Variants in PRKN observed in about 807,000 individuals in gnomAD.
The protein encoded by PRKN is parkin RBR E3 ubiquitin protein ligase, also known as E3 ubiquitin-protein ligase parkin.
Under a neutral mutation model 59.5 loss-of-function variants are expected in PRKN, and 56 were observed. The observed-to-expected ratio is 0.94, with a 90% CI of 0.76 to 1.18. PRKN has a LOEUF of 1.18. Ranked by LOEUF, PRKN falls within the 50% of genes most tolerant of loss-of-function variation. PRKN has a pLI of 0.00. For missense variants in PRKN, 657 were observed against 596.4 expected, an observed-to-expected ratio of 1.10 and a Z score of -1.06; for synonymous variants, 250 against 222.1, an observed-to-expected ratio of 1.13 and a Z score of -1.12.
intron 6 of PRKN, among the ~76,000 whole-genome samples, chr6:161,847,038 G>A (rs1192481129): frequency 6.6e-6 from 1 of 152,162 alleles, no homozygotes; most frequent in Non-Finnish European, 1.5e-5. Context: ...GGCCAGGCAC[G>A]GTGGCTCACA....
chr6:161,516,949 T>C (rs1295650878), intron 9 of PRKN, among the ~76,000 whole-genome samples: 2 of 152,186 alleles, frequency 1.3e-5, no homozygotes, highest in African/African-American at 4.8e-5. Flanking sequence ...TTTCTCATTG[T>C]ATGCATCATG....
chr6:162,333,369 C>G (rs1459477972), intron 2 of PRKN, among the ~76,000 whole-genome samples: 1 of 151,980 alleles, frequency 6.6e-6, no homozygotes, highest in African/African-American at 2.4e-5. Context: ...TTTATGGCGA[C>G]CGTGCATCAA....
chr6:162,155,507 A>G (rs1562546395), intron 4 of PRKN, among the ~76,000 whole-genome samples: 2 of 152,148 alleles, frequency 1.3e-5, no homozygotes, highest in Non-Finnish European at 2.9e-5. Context: ...CATCAGAGAC[A>G]GCAAGCAGAA....
rs907278118 is a variant in PRKN, at chr6:161,386,183, G to A, written c.1167+611C>T. 3.9e-5 allele frequency among the ~76,000 whole-genome samples: 6 copies of A among 152,018 alleles called. No homozygotes were observed. The highest frequency in any genetic ancestry group is 4.2e-4 in the South Asian group (2 of 4,818). On this transcript the variant is annotated intron_variant, in intron 10 of 11. Coordinates refer to ENST00000366898, the MANE Select transcript of PRKN (RefSeq NM_004562.3). The surrounding 1 kb of genome is among the most constrained non-coding windows in gnomAD (Gnocchi z 4.3). ...GAGCAAATTCATCTACTGTGATGAC[G>A]TTTTTACTCTTTTTCCCTGAAGGTT...
At chr6:162,116,887 T>C (rs141060617) in intron 4 of PRKN, among the ~76,000 whole-genome samples, 164 of 152,272 alleles carry the variant, frequency 1.1e-3, no homozygotes, top group African/African-American at 3.6e-3. Context: ...GATCAAATAA[T>C]AACAAATTCA....
chr6:161,538,763 C>T lies in PRKN; in HGVS notation c.1083+10091G>A, dbSNP rs62436767. Among the ~76,000 whole-genome samples the T allele has an allele frequency of 0.18, 26,978 of 152,132 alleles. 2,684 individuals are homozygous for T. The highest frequency in any genetic ancestry group is 0.29 in the Middle Eastern group (85 of 294). ...GGCTGGTCTTTACCCAAGAAAAGCC[C>T]TATTACCTCCCAGGAGCTTGTAGAG... On this transcript the variant is annotated intron_variant, in intron 9 of 11. Transcript: ENST00000366898. This position sits in a 1 kb window ranked among gnomAD's most constrained non-coding sequence, Gnocchi z 4.2.
chr6:161,495,091 A>G (rs1026439599), intron 9 of PRKN, among the ~76,000 whole-genome samples: 6 of 152,256 alleles, frequency 3.9e-5, no homozygotes, highest in Non-Finnish European at 5.9e-5. Flanking sequence ...TTACCACAAT[A>G]TATCAAAAAA....
chr6:162,220,576 A>C (rs1388841110), intron 3 of PRKN, among the ~76,000 whole-genome samples: 2 of 152,218 alleles, frequency 1.3e-5, no homozygotes, highest in Non-Finnish European at 2.9e-5. Flanking sequence ...CTATGCAGTG[A>C]GCATAACCCA....
chr6:161,869,007 T>C (rs1794233132), intron 6 of PRKN, among the ~76,000 whole-genome samples: 1 of 152,202 alleles, frequency 6.6e-6, no homozygotes, highest in African/African-American at 2.4e-5. Flanking sequence ...TAAATAATAA[T>C]GTGAACCTCA....
rs1385732040 is a variant in PRKN at position 161,451,703 on chromosome 6, A to T, written c.1084-64826T>A. Among the ~76,000 whole-genome samples, 1 of 152,192 alleles carries T rather than the reference A, an allele frequency of 6.6e-6. No individual in the cohort carries two copies. Among genetic ancestry groups the T allele is most frequent in the Non-Finnish European group, 1.5e-5 (1 of 68,044 alleles). ...ATAAATATTAGAAAGGCCATCCAGG[A>T]TGCGTCATTTGCAAGCTTGGGTGGA... On this transcript the variant is annotated intron_variant, in intron 9 of 11. Transcript: ENST00000366898. This position sits in a 1 kb window ranked among gnomAD's most constrained non-coding sequence, Gnocchi z 5.9.
At chr6:162,160,311 G>C (rs1044679700) in intron 4 of PRKN, among the ~76,000 whole-genome samples, 2 of 152,116 alleles carry the variant, frequency 1.3e-5, no homozygotes, top group African/African-American at 2.4e-5. Context: ...ATGGTCAATA[G>C]TATTAGTCAT....
At chr6:162,372,301 C>A (rs910599275) in intron 2 of PRKN, among the ~76,000 whole-genome samples, 1 of 152,122 alleles carries the variant, frequency 6.6e-6, no homozygotes, top group East Asian at 1.9e-4. Context: ...TATTTGCATG[C>A]AAACCTCCAG....
chr6:161,405,652 T>TG lies in PRKN; in HGVS notation c.1084-18776_1084-18775insC, dbSNP rs1562425229. ...TAAATAAATAAATAAATAAATAAATTTGGGTCCACCATAATCAGCATTTTG... is the reference window on the plus strand; with the variant it reads ...TAAATAAATAAATAAATAAATAAATTGTGGGTCCACCATAATCAGCATTTTG... On this transcript the variant is annotated intron_variant, in intron 9 of 11. Coordinates refer to ENST00000366898, the MANE Select transcript of PRKN (RefSeq NM_004562.3). The surrounding 1 kb of genome is among the most constrained non-coding windows in gnomAD (Gnocchi z 5.1). Among the ~76,000 whole-genome samples, 369 of 143,838 alleles carry TG rather than the reference T, an allele frequency of 2.6e-3. 3 individuals carry two copies. Among genetic ancestry groups the TG allele is most frequent in the African/African-American group, 7.8e-3 (306 of 39,156 alleles). The allele number at this position is 143,838 out of a possible 152,430, so 94.4% of individuals were successfully genotyped here.
At chr6:162,061,393 T>C (rs953105291) in intron 4 of PRKN, among the ~76,000 whole-genome samples, 1 of 152,230 alleles carries the variant, frequency 6.6e-6, no homozygotes, top group Non-Finnish European at 1.5e-5. Flanking sequence ...GGGTTATTTT[T>C]GGTTTAGTAA....
At position 162,146,183 on chromosome 6, in the gene PRKN, G is replaced by A. The variant is rs560441108; in HGVS notation, c.534+54948C>T. On this transcript the variant is annotated intron_variant, in intron 4 of 11. Coordinates refer to ENST00000366898, the MANE Select transcript of PRKN (RefSeq NM_004562.3). Reference sequence around the variant, plus strand: ...ATCTCTTTTTCTATATAGCACCCACGTAGCCATCCAGCAAACATATGCTAA... The same window carrying A: ...ATCTCTTTTTCTATATAGCACCCACATAGCCATCCAGCAAACATATGCTAA... Among the ~76,000 whole-genome samples, 88 of 152,154 alleles carry A rather than the reference G, an allele frequency of 5.8e-4. 1 individual carries two copies. The highest frequency in any genetic ancestry group is 4.8e-5 in the African/African-American group (2 of 41,532).
intron 7 of PRKN, among the ~76,000 whole-genome samples, chr6:161,674,489 T>C (rs565297455): frequency 5.3e-4 from 81 of 152,304 alleles, no homozygotes; most frequent in Admixed American, 1.6e-3. Flanking sequence ...TGCACATTTT[T>C]CCCACATTTT....
chr6:162,099,764 T>C (rs1393078774), intron 4 of PRKN, among the ~76,000 whole-genome samples: 1 of 152,340 alleles, frequency 6.6e-6, no homozygotes, highest in African/African-American at 2.4e-5. Flanking sequence ...TACTTATTTT[T>C]TGTGGTGACA....
At chr6:162,462,966 C>T (rs898479017) in intron 1 of PRKN, among the ~76,000 whole-genome samples, 6 of 151,868 alleles carry the variant, frequency 4.0e-5, no homozygotes, top group South Asian at 2.1e-4. Flanking sequence ...TGGTAGTGGG[C>T]GACTGAAAGC....
At chr6:162,338,875 T>A (rs1042965536) in intron 2 of PRKN, among the ~76,000 whole-genome samples, 32 of 141,186 alleles carry the variant, frequency 2.3e-4, no homozygotes, top group Non-Finnish European at 4.0e-4. Flanking sequence ...GCCCATCGTC[T>A]GAGATGTGGG....
Sources: allele counts gnomAD v4.1 joint callset (sites outside exome capture counted in the v4.1 genomes callset), GRCh38; gene constraint gnomAD v4.1.1; non-coding constraint Gnocchi (gnomAD v3.1); transcripts MANE v1.5; gene names NCBI Gene and HGNC (gene_info 2026-07-23, HGNC 2026-07-21).